The following FNDC1 variants were observed in gnomAD, a reference collection of about 807,000 sequenced individuals.
FNDC1 encodes the protein fibronectin type III domain-containing protein 1.
In FNDC1, 96 loss-of-function variants were observed where a neutral mutation model predicts 168.0. That is an observed-to-expected ratio of 0.57 (90% CI 0.48 to 0.68). FNDC1 has a LOEUF of 0.68. Among genes scored for constraint, FNDC1 ranks in the 30% least tolerant of loss-of-function variants. The pLI, the probability that FNDC1 is intolerant of heterozygous loss-of-function variation, is 0.00. For synonymous variants in FNDC1, 1,099 were observed against 1,025.9 expected (o/e 1.07, Z -1.36); for missense variants, 2,587 against 2,482.1 (o/e 1.04, Z -0.90).
intron 1 of FNDC1, among the ~76,000 whole-genome samples, chr6:159,177,252 CAG>C (rs1318621037): frequency 6.6e-6 from 1 of 152,180 alleles, no homozygotes; most frequent in Admixed American, 6.5e-5. Context: ...AGTCTGCAAA[CAG>C]AGTGGAGATG....
intron 2 of FNDC1, among the ~76,000 whole-genome samples, chr6:159,198,558 G>A (rs434503): frequency 0.47 from 71,786 of 152,020 alleles, 19,014 homozygotes; most frequent in African/African-American, 0.72. Flanking sequence ...TCTCTTCCAC[G>A]TCACCTTGGC....
chr6:159,174,689 T>C (rs573545823), intron 1 of FNDC1, among the ~76,000 whole-genome samples: 1 of 152,398 alleles, frequency 6.6e-6, no homozygotes, highest in Non-Finnish European at 1.5e-5. Context: ...GGCTGCGTGT[T>C]AGCAAATTCA....
chr6:159,191,008 G>A (rs955052141), intron 1 of FNDC1, among the ~76,000 whole-genome samples: 3 of 152,190 alleles, frequency 2.0e-5, no homozygotes, highest in African/African-American at 7.2e-5. Flanking sequence ...GCAAGGCTAG[G>A]AGGCCTCAGG....
At chr6:159,236,443 A>G in intron 12 of FNDC1, 128 bp downstream of exon 12, 2 of 652,384 alleles carry the variant, frequency 3.1e-6, no homozygotes, top group East Asian at 5.5e-5. Flanking sequence ...AACTACTTAT[A>G]TGTACTTGTA....
In FNDC1 at chr6:159,249,340, T is replaced by C. The variant is rs551180843; in HGVS notation, c.4834+158T>C. Among the ~76,000 whole-genome samples, 9 of 152,344 alleles carry C rather than the reference T, an allele frequency of 5.9e-5. No homozygotes were observed. The South Asian group carries it at 1.7e-3, about 28-fold the overall frequency. On this transcript the variant is annotated intron_variant, in intron 16 of 22. Coordinates refer to ENST00000297267, the MANE Select transcript of FNDC1 (RefSeq NM_032532.3). ...GGGATAATTGAGTGAGTCAGTCTTA[T>C]GTAGATATGTATTATTTTGCTTTCT... is the stretch of plus-strand genomic sequence containing the variant.
chr6:159,237,874 C>T (rs1783300256), intron 12 of FNDC1, among the ~76,000 whole-genome samples: 2 of 152,146 alleles, frequency 1.3e-5, no homozygotes, highest in South Asian at 2.1e-4. Context: ...ATACGTAGAA[C>T]GTATGTAGAA....
intron 9 of FNDC1, among the ~76,000 whole-genome samples, chr6:159,227,722 T>C (rs921125281): frequency 3.3e-5 from 5 of 151,318 alleles, no homozygotes; most frequent in Non-Finnish European, 1.5e-5. Flanking sequence ...AAATCAGGGG[T>C]GTACAATCTT....
rs765645763 is a variant in FNDC1 at position 159,234,144 on chromosome 6, G to A, written c.3632G>A (p.Gly1211Asp). ...TGGCCCTCTTCCTCCACTCCCAGGG[G>A]CGGCAAAGACGCCGATGGGAGCCTC... ...PKWPSSSTPR[G>D]GKDADGSLAK... The change falls in exon 11 of 23, where the codon GGC becomes GAC. Residue 1211 changes from glycine (G) to aspartate (D), a missense_variant. By Grantham distance (94) the Gly-to-Asp change is moderately conservative (BLOSUM62 -1). Transcript: ENST00000297267. 19 of 1,601,158 alleles carry A rather than the reference G, an allele frequency of 1.2e-5. No individual in the cohort carries two copies. Among genetic ancestry groups the A allele is most frequent in the Non-Finnish European group, 1.3e-5 (15 of 1,174,110 alleles).
chr6:159,227,400 A>G (rs1463103467), intron 9 of FNDC1, among the ~76,000 whole-genome samples: 1 of 152,200 alleles, frequency 6.6e-6, no homozygotes, highest in Non-Finnish European at 1.5e-5. Context: ...TCCAGAAACT[A>G]TGAAATGTTT....
intron 16 of FNDC1, among the ~76,000 whole-genome samples, chr6:159,249,927 C>A (rs1237036631): frequency 6.6e-6 from 1 of 152,232 alleles, no homozygotes; most frequent in African/African-American, 2.4e-5. Flanking sequence ...GATGTAGTGA[C>A]TGAGTGTCTA....
chr6:159,230,288 CAG>C (rs1444004862), intron 10 of FNDC1, among the ~76,000 whole-genome samples: 4 of 152,036 alleles, frequency 2.6e-5, no homozygotes, highest in Admixed American at 2.6e-4. Context: ...CTTGTGGTAA[CAG>C]GGAAAGAACA....
intron 9 of FNDC1, 44 bp downstream of exon 9, chr6:159,226,624 T>G: frequency 2.8e-6 from 4 of 1,442,198 alleles, no homozygotes; most frequent in Non-Finnish European, 2.9e-6. Flanking sequence ...TTGATTCTGA[T>G]GAACATGGCC....
Position 159,234,478 on chromosome 6 carries a change from A to G in FNDC1, c.3966A>G (p.Gln1322=). ...SRQPARPSYR[Q]GYNGRPNVEG... ...AGCCTGCCAGACCCTCTTACAGACA[A>G]GGTAGTTTATTTTTTCAAACAGTCT... The change falls in exon 11 of 23, where the codon CAA becomes CAG. Residue 1322 remains glutamine (Q), a splice_region_variant and synonymous_variant. Transcript: ENST00000297267. 1 of 1,613,028 alleles carries G rather than the reference A, an allele frequency of 6.2e-7. No homozygotes were observed. Among genetic ancestry groups the G allele is most frequent in the Non-Finnish European group, 8.5e-7 (1 of 1,179,746 alleles).
Position 159,251,535 on chromosome 6 carries a change from G to A in FNDC1, c.5065+3G>A. 1 of 1,611,734 alleles carries A rather than the reference G, an allele frequency of 6.2e-7. No individual in the cohort carries two copies. On this transcript the variant is annotated splice_donor_region_variant and intron_variant, in intron 17 of 22. Coordinates refer to ENST00000297267, the MANE Select transcript of FNDC1 (RefSeq NM_032532.3). Reference sequence around the variant, plus strand: ...CACCCCAGGAGATGTGGTCACAGGTGTGTCCTAAGCAGAAATCAGAGTTCC... The same window carrying A: ...CACCCCAGGAGATGTGGTCACAGGTATGTCCTAAGCAGAAATCAGAGTTCC...
Position 159,190,549 on chromosome 6 carries a change from G to A in FNDC1, c.110-6882G>A, listed in dbSNP as rs1176842152. On this transcript the variant is annotated intron_variant, in intron 1 of 22. Coordinates refer to ENST00000297267, the MANE Select transcript of FNDC1 (RefSeq NM_032532.3). ...AGCTGCGTGCTGAGTAGTCTGCCCT[G>A]CAGTCTCCTTCTGGGTCTTCCAGTG... Among the ~76,000 whole-genome samples, 5 of 152,346 alleles carry A rather than the reference G, an allele frequency of 3.3e-5. No homozygotes were observed. In the East Asian group the frequency reaches 9.7e-4, roughly 29 times the overall value.
intron 18 of FNDC1, among the ~76,000 whole-genome samples, chr6:159,256,928 T>G (rs1270938179): frequency 2.0e-5 from 3 of 152,240 alleles, no homozygotes; most frequent in African/African-American, 7.2e-5. Context: ...AATCGGTCCA[T>G]TTTTAGTCCC....
Position 159,246,968 on chromosome 6 carries a change from A to C in FNDC1, c.4689A>C (p.Glu1563Asp). The C allele has an allele frequency of 3.1e-6, 5 of 1,607,210 alleles. No homozygotes were observed. Among genetic ancestry groups the C allele is most frequent in the South Asian group, 1.1e-5 (1 of 90,940 alleles). The change falls in exon 15 of 23, where the codon GAA becomes GAC. Residue 1563 changes from glutamate to aspartate, a missense_variant and splice_region_variant. Glu to Asp is a conservative substitution (Grantham distance 45, BLOSUM62 2). Coordinates refer to ENST00000297267, the MANE Select transcript of FNDC1 (RefSeq NM_032532.3). ...AAGAGGCCTACGTTATATATGATGA[A>C]GGTACAAACTGGCTTTTGAAAAATT... Reference protein sequence around the residue: ...PTEEAYVIYDEDYEFETSRPP... With the variant: ...PTEEAYVIYDDDYEFETSRPP...
intron 15 of FNDC1, among the ~76,000 whole-genome samples, chr6:159,247,238 A>G (rs1457159419): frequency 7.2e-6 from 1 of 138,844 alleles, no homozygotes; most frequent in Non-Finnish European, 1.6e-5. Context: ...CTCCCTCCCC[A>G]CCCTCCTTGG....
At chr6:159,255,062 T>C (rs573284839) in intron 17 of FNDC1, among the ~76,000 whole-genome samples, 2 of 152,368 alleles carry the variant, frequency 1.3e-5, no homozygotes, top group South Asian at 4.1e-4. Context: ...CCATTCGGCA[T>C]TCTGCACAGG....
Sources: gnomAD v4.1 joint callset for allele counts (sites outside exome capture counted in the v4.1 genomes callset) on GRCh38, gnomAD v4.1.1 for gene constraint, MANE v1.5 for transcripts, NCBI Gene and HGNC (gene_info 2026-07-23, HGNC 2026-07-21) for gene names.